DST: variants seen among roughly 807,000 people sequenced by gnomAD.
DST encodes the protein dystonin, also known as bullous pemphigoid antigen.
DST carries 253 observed loss-of-function variants against 875.2 expected under a neutral mutation model. The ratio of observed to expected loss-of-function variants is 0.29; its 90% confidence interval spans 0.26 to 0.32. DST has a LOEUF of 0.32. DST is among the 10% of genes least tolerant of loss of function. The probability of loss-of-function intolerance (pLI) is 1.00; values close to 1 mark genes in which losing one functional copy is unlikely to be tolerated. For synonymous variants in DST, 3,124 were observed against 3,197.1 expected (o/e 0.98, Z 0.77); for missense variants, 8,287 against 9,111.6 (o/e 0.91, Z 3.68).
chr6:56,507,895 A>C (rs902926347), intron 75 of DST, among the ~76,000 whole-genome samples: 3 of 152,204 alleles, frequency 2.0e-5, no homozygotes, highest in African/African-American at 7.2e-5. Flanking sequence ...ACTGGCAGCA[A>C]GGTCAGAGGC....
At chr6:56,793,789 TAAA>T (rs2099735217) in intron 4 of DST, among the ~76,000 whole-genome samples, 1 of 152,164 alleles carries the variant, frequency 6.6e-6, no homozygotes, top group African/African-American at 2.4e-5. Flanking sequence ...TCAATTCCCT[TAAA>T]GAAGAAAAAG....
At chr6:56,867,123 G>A (rs1774536752) in intron 3 of DST, among the ~76,000 whole-genome samples, 2 of 152,162 alleles carry the variant, frequency 1.3e-5, no homozygotes, top group African/African-American at 4.8e-5. Flanking sequence ...AGAGAACCGA[G>A]GCTAGACCTG....
chr6:56,496,579 G>T (rs2095913141), intron 82 of DST, among the ~76,000 whole-genome samples: 1 of 151,932 alleles, frequency 6.6e-6, no homozygotes, highest in Non-Finnish European at 1.5e-5. Flanking sequence ...GATTATTTTG[G>T]AGGTTTTTCT....
intron 22 of DST, among the ~76,000 whole-genome samples, chr6:56,637,507 C>A (rs1214421759): frequency 2.6e-5 from 4 of 152,000 alleles, no homozygotes; most frequent in African/African-American, 9.7e-5. Flanking sequence ...ATGTCGGTTT[C>A]TCTTTGTTTT....
intron 5 of DST, among the ~76,000 whole-genome samples, chr6:56,734,114 G>A (rs1199628156): frequency 6.6e-6 from 1 of 152,232 alleles, no homozygotes; most frequent in Non-Finnish European, 1.5e-5. Flanking sequence ...AGAGAGGACA[G>A]ATGAACTGCC....
At chr6:56,712,611 G>A (rs564302426) in intron 5 of DST, among the ~76,000 whole-genome samples, 6 of 152,258 alleles carry the variant, frequency 3.9e-5, no homozygotes, top group African/African-American at 1.2e-4. Context: ...ATAACTAGGT[G>A]TAACAAAGTC....
chr6:56,509,434 T>C (rs1030039091), intron 74 of DST, among the ~76,000 whole-genome samples: 1 of 152,190 alleles, frequency 6.6e-6, no homozygotes, highest in Non-Finnish European at 1.5e-5. Flanking sequence ...CTATGTATAA[T>C]GGCACGCTTT....
At chr6:56,676,998 T>G (rs2099134011) in intron 9 of DST, among the ~76,000 whole-genome samples, 1 of 152,198 alleles carries the variant, frequency 6.6e-6, no homozygotes, top group South Asian at 2.1e-4. Flanking sequence ...TGTACTGCAT[T>G]CTTTAAAATT....
At chr6:56,557,051 C>A (rs2097433935) in intron 59 of DST, among the ~76,000 whole-genome samples, 1 of 152,070 alleles carries the variant, frequency 6.6e-6, no homozygotes, top group South Asian at 2.1e-4. Context: ...AGATCTGTAC[C>A]ACCCACAATA....
intron 9 of DST, chr6:56,692,427 A>G: frequency 7.8e-7 from 1 of 1,289,016 alleles, no homozygotes; most frequent in South Asian, 1.2e-5. Flanking sequence ...AGGACATACT[A>G]GTATAAAGGG....
chr6:56,731,118 G>A (rs1330786081), intron 5 of DST, among the ~76,000 whole-genome samples: 3 of 152,212 alleles, frequency 2.0e-5, no homozygotes, highest in Non-Finnish European at 4.4e-5. Context: ...CAGGATGCCA[G>A]TGGGAAAGCG....
chr6:56,712,190 T>C (rs2099369785), intron 5 of DST, among the ~76,000 whole-genome samples: 1 of 152,154 alleles, frequency 6.6e-6, no homozygotes, highest in Non-Finnish European at 1.5e-5. Flanking sequence ...GCATTACCTT[T>C]TACAGGTTTT....
chr6:56,693,686 TA>T (rs1459994072), intron 9 of DST, among the ~76,000 whole-genome samples: 3 of 152,112 alleles, frequency 2.0e-5, no homozygotes, highest in African/African-American at 7.2e-5. Flanking sequence ...CTCTACCATA[TA>T]TTTTTTTTTC....
chr6:56,893,565 T>TAAGGAATCTCCACAC (rs1562313463), intron 3 of DST, among the ~76,000 whole-genome samples: 59 of 107,508 alleles, frequency 5.5e-4, no homozygotes, highest in African/African-American at 1.1e-3. Flanking sequence ...TTTAGTTCTT[T>TAAGGAATCTCCACAC]TTTTTTTTTT....
At position 56,497,525 on chromosome 6, in the gene DST, T is replaced by C. The variant is rs762029560; in HGVS notation, c.20095-18A>G. On this transcript the variant is annotated intron_variant, in intron 81 of 103. Transcript: ENST00000680361. Reference sequence around the variant, plus strand: ...CCTTTGGCCTGAAGTAATAGGCAGTTTTAAGTTGGGGCCATAAACACTGTC... The same window carrying C: ...CCTTTGGCCTGAAGTAATAGGCAGTCTTAAGTTGGGGCCATAAACACTGTC... The C allele has an allele frequency of 6.2e-7, 1 of 1,610,690 alleles. No individual in the cohort carries two copies. Among genetic ancestry groups the C allele is most frequent in the East Asian group, 2.2e-5 (1 of 44,836 alleles).
chr6:56,710,684 CATT>C (rs1366028660), intron 5 of DST, among the ~76,000 whole-genome samples: 2 of 152,060 alleles, frequency 1.3e-5, no homozygotes, highest in Non-Finnish European at 2.9e-5. Context: ...TGCTCAAAAA[CATT>C]GTATTATCTT....
intron 92 of DST, among the ~76,000 whole-genome samples, 192 bp downstream of exon 92, chr6:56,475,957 A>T (rs184350143): frequency 2.0e-5 from 3 of 152,210 alleles, no homozygotes; most frequent in Non-Finnish European, 4.4e-5. Flanking sequence ...AAGTTTTGCA[A>T]AGGTCACAGA....
intron 4 of DST, chr6:56,843,341 G>T: frequency 8.3e-7 from 1 of 1,208,900 alleles, no homozygotes; most frequent in African/African-American, 1.6e-5. Flanking sequence ...CAAAGGAAAC[G>T]CCCAGGCCTC....
chr6:56,941,887 A>G (rs939442102), intron 2 of DST, among the ~76,000 whole-genome samples: 15 of 152,208 alleles, frequency 9.9e-5, no homozygotes, highest in African/African-American at 3.1e-4. Context: ...TGTTCTATCA[A>G]TTGCTGAAAG....
Sources: allele counts gnomAD v4.1 joint callset (sites outside exome capture counted in the v4.1 genomes callset), GRCh38; gene constraint gnomAD v4.1.1; transcripts MANE v1.5; gene names NCBI Gene and HGNC (gene_info 2026-07-23, HGNC 2026-07-21).